Variants in ORC3 observed in about 807,000 individuals in gnomAD.
The protein encoded by ORC3 is homolog of latheo, Drosophila.
Under a neutral mutation model 100.7 loss-of-function variants are expected in ORC3, and 78 were observed. That is an observed-to-expected ratio of 0.77 (90% confidence interval 0.65 to 0.94). The LOEUF (loss-of-function observed/expected upper bound fraction) is 0.94. Among genes scored for constraint, ORC3 ranks in the 40% least tolerant of loss-of-function variants. The pLI, the probability that ORC3 is intolerant of heterozygous loss-of-function variation, is 0.00. For synonymous variants in ORC3, 295 were observed against 289.3 expected (o/e 1.02, Z -0.20); for missense variants, 789 against 823.9 (o/e 0.96, Z 0.52).
At chr6:87,639,399 G>A (rs1768054327) in intron 13 of ORC3, among the ~76,000 whole-genome samples, 1 of 152,170 alleles carries the variant, frequency 6.6e-6, no homozygotes, top group Non-Finnish European at 1.5e-5. Context: ...CTTTGGCGAT[G>A]CCTCCTACCT....
chr6:87,665,605 A>T (rs1019262317), intron 18 of ORC3, 149 bp from the exon 19 acceptor site: 2 of 566,766 alleles, frequency 3.5e-6, no homozygotes, highest in African/African-American at 3.8e-5. Context: ...TAAGTGGTTT[A>T]AAGTGATCAT....
intron 19 of ORC3, among the ~76,000 whole-genome samples, chr6:87,666,763 G>A (rs1031658777): frequency 2.7e-4 from 41 of 152,086 alleles, no homozygotes; most frequent in African/African-American, 9.2e-4. Flanking sequence ...TCTAATGTAC[G>A]TTTAGAAGTG....
chr6:87,609,380 A>G (rs1415985845), intron 7 of ORC3, 151 bp downstream of exon 7: 13 of 559,844 alleles, frequency 2.3e-5, no homozygotes, highest in Non-Finnish European at 3.8e-5. Context: ...AAGACTTCCT[A>G]TCAGATTTTC....
chr6:87,665,477 A>G (rs752759938), intron 18 of ORC3, among the ~76,000 whole-genome samples: 2 of 152,214 alleles, frequency 1.3e-5, no homozygotes, highest in Non-Finnish European at 2.9e-5. Context: ...TAAGATTAGT[A>G]GAGGAAACAG....
In ORC3 at chr6:87,634,876, A is replaced by G; in HGVS notation, c.1217A>G (p.His406Arg). The change falls in exon 12 of 20, where the codon CAT (histidine) becomes CGT (arginine). Residue 406 changes from histidine (H) to arginine (R), a missense_variant. By Grantham distance (29) the His-to-Arg change is conservative. This residue lies in a region of ORC3 where 366 missense variants were observed against 394.2 expected (regional missense o/e 0.93). Transcript: ENST00000392844. ...ACACAATTATTACTAGAAAACCTGC[A>G]TGTTTATCATATGAATTACTTCCTG... ...EETQLLLENLHVYHMNYFLVL... is the reference protein window; with the variant it reads ...EETQLLLENLRVYHMNYFLVL... 1 of 1,590,828 alleles carries G rather than the reference A, an allele frequency of 6.3e-7. No homozygotes were observed. Among genetic ancestry groups the G allele is most frequent in the South Asian group, 1.1e-5 (1 of 90,640 alleles).
At chr6:87,637,287 C>G (rs115694325) in intron 13 of ORC3, among the ~76,000 whole-genome samples, 305 of 152,292 alleles carry the variant, frequency 2.0e-3, no homozygotes, top group African/African-American at 7.1e-3. Flanking sequence ...GAGGAAAATT[C>G]ACACTGAAAG....
chr6:87,651,595 A>G (rs1019595939), intron 13 of ORC3, among the ~76,000 whole-genome samples: 5 of 152,222 alleles, frequency 3.3e-5, no homozygotes, highest in Non-Finnish European at 7.3e-5. Context: ...AAAGAGGAAG[A>G]TAAAGTTTTA....
intron 14 of ORC3, among the ~76,000 whole-genome samples, chr6:87,655,830 A>T (rs1033937274): frequency 6.6e-6 from 1 of 152,128 alleles, no homozygotes; most frequent in African/African-American, 2.4e-5. Context: ...AAGGCATATT[A>T]GGTTTATTAA....
chr6:87,596,896 T>C (rs1182428011), intron 2 of ORC3, among the ~76,000 whole-genome samples: 2 of 152,206 alleles, frequency 1.3e-5, no homozygotes, highest in African/African-American at 4.8e-5. Context: ...GGTAATACTC[T>C]TCCACCAGTA....
chr6:87,594,794 A>T (rs946990400), intron 2 of ORC3, among the ~76,000 whole-genome samples: 5 of 152,238 alleles, frequency 3.3e-5, no homozygotes, highest in African/African-American at 9.6e-5. Flanking sequence ...CTGACTGGCA[A>T]CCCAGATTTC....
the ORC3 span, among the ~76,000 whole-genome samples, chr6:87,674,263 C>G: frequency 7.3e-6 from 1 of 137,620 alleles, no homozygotes; most frequent in Admixed American, 7.9e-5. Context: ...GATCGTGCCA[C>G]TGCACTCCAG....
downstream of ORC3, among the ~76,000 whole-genome samples, chr6:87,670,245 A>G (rs1770805443): frequency 6.6e-6 from 1 of 152,166 alleles, no homozygotes; most frequent in Non-Finnish European, 1.5e-5. Context: ...GGCTCACTGC[A>G]ACCTCTGCCT....
intron 14 of ORC3, among the ~76,000 whole-genome samples, chr6:87,655,351 G>T (rs1769593458): frequency 7.4e-6 from 1 of 134,434 alleles, no homozygotes; most frequent in Non-Finnish European, 1.6e-5. Flanking sequence ...ACATCCAGCT[G>T]AATTTTTTTT....
At chr6:87,658,763 A>G (rs1003597200) in intron 16 of ORC3, among the ~76,000 whole-genome samples, 2 of 152,200 alleles carry the variant, frequency 1.3e-5, no homozygotes, top group Non-Finnish European at 2.9e-5. Flanking sequence ...ATTCTAAACA[A>G]TGCCAGTGCA....
At chr6:87,636,524 C>T (rs1286791288) in intron 13 of ORC3, 38 bp downstream of exon 13, 20 of 1,365,450 alleles carry the variant, frequency 1.5e-5, no homozygotes, top group Non-Finnish European at 2.1e-5. Flanking sequence ...TTTTTGTCTG[C>T]TATAAGCCTG....
intron 14 of ORC3, 137 bp downstream of exon 14, chr6:87,653,386 A>C: frequency 1.8e-5 from 12 of 657,096 alleles, no homozygotes; most frequent in East Asian, 5.5e-5. Flanking sequence ...GCCAAGCCTC[A>C]TAGTATCACA....
chr6:87,666,672 T>C (rs1370120285), intron 19 of ORC3, among the ~76,000 whole-genome samples: 7 of 150,278 alleles, frequency 4.7e-5, no homozygotes. Flanking sequence ...CTCCTGACCT[T>C]AGGTGATCTG....
intron 19 of ORC3, among the ~76,000 whole-genome samples, chr6:87,666,435 CTTTTTTT>C (rs398002192): frequency 1.0e-4 from 10 of 97,662 alleles, no homozygotes; most frequent in Non-Finnish European, 1.8e-4. Context: ...CGGCCTAATT[CTTTTTTT>C]TTTTTTTTTT....
chr6:87,615,778 G>A lies in ORC3; in HGVS notation c.874-536G>A, dbSNP rs371922175. On this transcript the variant is annotated intron_variant, in intron 8 of 19. Coordinates refer to ENST00000392844, the MANE Select transcript of ORC3 (RefSeq NM_012381.4). ...TGCTTCTGTTTAAGAAGCCTTGTGT[G>A]ACTTTTCATTTCCAGATGTAAAACA... 5.3e-5 allele frequency among the ~76,000 whole-genome samples: 8 copies of A among 152,314 alleles called. No homozygotes were observed. In the East Asian group the frequency reaches 1.5e-3, roughly 29 times the overall value.
Sources: gnomAD v4.1 joint callset for allele counts (sites outside exome capture counted in the v4.1 genomes callset) on GRCh38, gnomAD v4.1.1 for gene constraint, gnomAD v4.1.1 regional missense constraint, MANE v1.5 for transcripts, NCBI Gene and HGNC (gene_info 2026-07-23, HGNC 2026-07-21) for gene names.